The following SBF2 variants were observed in gnomAD, a reference collection of about 807,000 sequenced individuals.
SBF2 encodes the protein SET binding factor 2.
SBF2 carries 112 observed loss-of-function variants against 225.2 expected under a neutral mutation model. The observed-to-expected ratio is 0.50, with a 90% CI of 0.43 to 0.58. The LOEUF (loss-of-function observed/expected upper bound fraction) is 0.58, where lower values mean the gene tolerates loss of function less well. Among genes scored for constraint, SBF2 ranks in the 20% least tolerant of loss-of-function variants. The probability of loss-of-function intolerance (pLI) is 0.00; values close to 1 mark genes in which losing one functional copy is unlikely to be tolerated. For synonymous variants in SBF2, 763 were observed against 773.3 expected (o/e 0.99, Z 0.22); for missense variants, 1,996 against 2,206.2 (o/e 0.90, Z 1.91).
chr11:9,787,540 C>T, intron 36 of SBF2, 94 bp downstream of exon 36: 1 of 1,046,160 alleles, frequency 9.6e-7, no homozygotes, highest in Non-Finnish European at 1.5e-6. Context: ...GCCATAAACC[C>T]AGCTGGGTCT....
chr11:10,034,432 T>C (rs887475551), intron 3 of SBF2, among the ~76,000 whole-genome samples: 7 of 152,238 alleles, frequency 4.6e-5, no homozygotes, highest in Admixed American at 3.3e-4. Flanking sequence ...TAACTTGATG[T>C]AGCAGATCAG....
intron 2 of SBF2, among the ~76,000 whole-genome samples, chr11:10,123,163 C>T (rs1565254898): frequency 6.6e-6 from 1 of 152,066 alleles, no homozygotes; most frequent in African/African-American, 2.4e-5. Flanking sequence ...GTTAGAGTGT[C>T]ACAAAACACT....
At chr11:10,082,598 T>C (rs1951409738) in intron 2 of SBF2, among the ~76,000 whole-genome samples, 1 of 152,132 alleles carries the variant, frequency 6.6e-6, no homozygotes, top group Non-Finnish European at 1.5e-5. Context: ...AATCAATAAA[T>C]GTGATTCACT....
At chr11:10,208,817 G>GA (rs901841997) in intron 1 of SBF2, among the ~76,000 whole-genome samples, 5 of 151,632 alleles carry the variant, frequency 3.3e-5, no homozygotes, top group South Asian at 4.2e-4. Flanking sequence ...GATCCTTTCA[G>GA]AAAAAAAATA....
chr11:10,087,647 A>G lies in SBF2; in HGVS notation c.142-44666T>C, dbSNP rs140916369. Among the ~76,000 whole-genome samples the G allele has an allele frequency of 1.2e-4, 19 of 152,362 alleles. 1 individual carries two copies. The highest frequency in any genetic ancestry group is 4.1e-4 in the African/African-American group (17 of 41,592). ...TTTCATACCAAACATATTTTTATGA[A>G]GCTCATGAAGCTTATGAGGGCTAAA... is the stretch of plus-strand genomic sequence containing the variant. On this transcript the variant is annotated intron_variant, in intron 2 of 39. Coordinates refer to ENST00000256190, the MANE Select transcript of SBF2 (RefSeq NM_030962.4).
intron 2 of SBF2, among the ~76,000 whole-genome samples, chr11:10,159,350 AG>A (rs1460094807): frequency 6.6e-6 from 1 of 152,238 alleles, no homozygotes; most frequent in Admixed American, 6.5e-5. Flanking sequence ...ATTATGGTTT[AG>A]GAGTCATACA....
intron 6 of SBF2, among the ~76,000 whole-genome samples, chr11:10,023,016 G>A (rs1406224073): frequency 6.6e-6 from 1 of 152,138 alleles, no homozygotes; most frequent in East Asian, 1.9e-4. Context: ...GGTAACAGCT[G>A]TTGATACTTA....
chr11:9,910,931 C>T lies in SBF2; in HGVS notation c.1861-14920G>A, dbSNP rs544358788. On this transcript the variant is annotated intron_variant, in intron 16 of 39. Coordinates refer to ENST00000256190, the MANE Select transcript of SBF2 (RefSeq NM_030962.4). ...AAAATTAGCTGGGCATGGTGGTGCA[C>T]GCCTGTAGTCCCAGCTACTCAGGAG... Among the ~76,000 whole-genome samples, 30 of 148,180 alleles carry T rather than the reference C, an allele frequency of 2.0e-4. No homozygotes were observed. The South Asian group carries it at 2.5e-3, about 13-fold the overall frequency.
intron 6 of SBF2, among the ~76,000 whole-genome samples, chr11:10,020,349 G>A (rs553001963): frequency 6.6e-6 from 1 of 152,012 alleles, no homozygotes; most frequent in Non-Finnish European, 1.5e-5. Flanking sequence ...CACACTGCAC[G>A]TGAAGCCCCT....
At chr11:10,045,109 T>G (rs1949802050) in intron 2 of SBF2, among the ~76,000 whole-genome samples, 1 of 151,968 alleles carries the variant, frequency 6.6e-6, no homozygotes, top group Non-Finnish European at 1.5e-5. Context: ...TGAAGGCCCT[T>G]CGTGACTGGA....
chr11:10,170,307 T>C (rs1157783466), intron 2 of SBF2, among the ~76,000 whole-genome samples: 11 of 152,162 alleles, frequency 7.2e-5, no homozygotes, highest in South Asian at 2.1e-4. Context: ...ATTTTTTTTA[T>C]GGCGAGAAAG....
At chr11:10,075,876 G>A (rs959777278) in intron 2 of SBF2, among the ~76,000 whole-genome samples, 1 of 151,788 alleles carries the variant, frequency 6.6e-6, no homozygotes, top group Non-Finnish European at 1.5e-5. Flanking sequence ...GATCGTAGAG[G>A]AAACAGAAAA....
At chr11:10,069,306 TC>T (rs1357537798) in intron 2 of SBF2, among the ~76,000 whole-genome samples, 1 of 121,684 alleles carries the variant, frequency 8.2e-6, no homozygotes, top group Non-Finnish European at 1.9e-5. Flanking sequence ...AATGCTATCC[TC>T]CCCTCCCCCC....
rs552205654 is a variant in SBF2, at chr11:9,788,695, T to C, written c.4932+414A>G. On this transcript the variant is annotated intron_variant, in intron 35 of 39. Coordinates refer to ENST00000256190, the MANE Select transcript of SBF2 (RefSeq NM_030962.4). ...CTGCAAGCTCCGCCTCGCAGGTTCA[T>C]GCCATTCTCCTGCCTCAGCCTCCCG... Among the ~76,000 whole-genome samples the C allele has an allele frequency of 2.6e-3, 395 of 150,610 alleles. 3 individuals carry two copies. The highest frequency in any genetic ancestry group is 9.1e-3 in the African/African-American group (372 of 40,938).
intron 1 of SBF2, among the ~76,000 whole-genome samples, chr11:10,228,676 G>C (rs1958685921): frequency 6.6e-6 from 1 of 152,202 alleles, no homozygotes; most frequent in Non-Finnish European, 1.5e-5. Flanking sequence ...TAGCCCACTT[G>C]ATCGTGGTGG....
chr11:9,820,368 TGACA>T lies in SBF2; in HGVS notation c.3794-3348_3794-3345del, dbSNP rs1372829419. ...TAAGGGCTGCAGAGGTGCTGGCTGA[TGACA>T]GACAGAGAATGTGACTGCAAGATGG... On this transcript the variant is annotated intron_variant, in intron 28 of 39. Transcript: ENST00000256190. Among the ~76,000 whole-genome samples, 25 of 152,298 alleles carry T rather than the reference TGACA, an allele frequency of 1.6e-4. No individual in the cohort carries two copies. In the East Asian group the frequency reaches 2.5e-3, roughly 15 times the overall value.
At chr11:9,897,243 ATTTT>A (rs113103052) in intron 16 of SBF2, among the ~76,000 whole-genome samples, 7 of 148,724 alleles carry the variant, frequency 4.7e-5, no homozygotes, top group African/African-American at 1.5e-4. Context: ...ATGTTAGATA[ATTTT>A]TTTTTTTGAG....
At chr11:9,833,782 T>C (rs1277520487) in intron 26 of SBF2, among the ~76,000 whole-genome samples, 1 of 150,408 alleles carries the variant, frequency 6.6e-6, no homozygotes, top group African/African-American at 2.4e-5. Context: ...TCCTTTTTTT[T>C]TTTTTTTTGA....
chr11:10,179,387 C>CA (rs60430976), intron 2 of SBF2, among the ~76,000 whole-genome samples: 3,816 of 121,832 alleles, frequency 0.031, 122 homozygotes, highest in African/African-American at 0.086. Context: ...AACAAAAAAA[C>CA]AAAAAAAAAC....
Sources: allele counts gnomAD v4.1 joint callset (sites outside exome capture counted in the v4.1 genomes callset), GRCh38; gene constraint gnomAD v4.1.1; transcripts MANE v1.5; gene names NCBI Gene and HGNC (gene_info 2026-07-23, HGNC 2026-07-21).